MNAT1: variants seen among roughly 807,000 people sequenced by gnomAD.
The protein encoded by MNAT1 is MNAT1 component of CDK activating kinase, also known as CDK-activating kinase assembly factor MAT1.
MNAT1 carries 43 observed loss-of-function variants against 42.0 expected under a neutral mutation model. The ratio of observed to expected loss-of-function variants is 1.02; its 90% CI spans 0.80 to 1.32. MNAT1 has a LOEUF of 1.32. MNAT1 is among the 40% of genes most tolerant of loss of function. The pLI, the probability that MNAT1 is intolerant of heterozygous loss-of-function variation, is 0.00. For missense variants in MNAT1, 306 were observed against 350.4 expected, an observed-to-expected ratio of 0.87 and a Z score of 1.01; for synonymous variants, 118 against 120.0, an observed-to-expected ratio of 0.98 and a Z score of 0.11.
At chr14:60,781,136 A>C (rs1190840579) in intron 1 of MNAT1, among the ~76,000 whole-genome samples, 1 of 152,144 alleles carries the variant, frequency 6.6e-6, no homozygotes, top group Non-Finnish European at 1.5e-5. Context: ...TTTGACTTTA[A>C]TTTATGTAAC....
At chr14:60,884,783 C>T (rs1594832027) in intron 7 of MNAT1, among the ~76,000 whole-genome samples, 1 of 151,926 alleles carries the variant, frequency 6.6e-6, no homozygotes, top group African/African-American at 2.4e-5. Flanking sequence ...CTTACCATTA[C>T]CAGTGAATTT....
intron 6 of MNAT1, among the ~76,000 whole-genome samples, chr14:60,860,354 C>CTT (rs11409940): frequency 0.025 from 3,271 of 128,606 alleles, 128 homozygotes; most frequent in East Asian, 0.097. Context: ...TTTTTCTTTT[C>CTT]TTTTTTTTTT....
intron 1 of MNAT1, among the ~76,000 whole-genome samples, chr14:60,745,829 C>G (rs1896597159): frequency 6.6e-6 from 1 of 152,120 alleles, no homozygotes; most frequent in Admixed American, 6.6e-5. Context: ...TACCTCAGCT[C>G]CTTCCCTAAT....
intron 7 of MNAT1, among the ~76,000 whole-genome samples, chr14:60,959,241 C>T (rs1432676876): frequency 5.3e-5 from 8 of 152,126 alleles, no homozygotes; most frequent in South Asian, 2.1e-4. Context: ...CAGTGAACAC[C>T]GTGGTATCCT....
chr14:60,861,962 T>C (rs4151276), intron 6 of MNAT1, among the ~76,000 whole-genome samples: 16 of 152,138 alleles, frequency 1.1e-4, no homozygotes, highest in African/African-American at 3.1e-4. Context: ...CAGTTCAAAG[T>C]TGTTAGAATG....
intron 7 of MNAT1, among the ~76,000 whole-genome samples, chr14:60,921,647 A>G (rs143703039): frequency 6.5e-4 from 99 of 152,320 alleles, no homozygotes; most frequent in Non-Finnish European, 1.5e-4. Context: ...TACAAAATAA[A>G]AATATATTTA....
intron 7 of MNAT1, among the ~76,000 whole-genome samples, chr14:60,910,015 AGTT>A (rs1180131983): frequency 1.3e-5 from 2 of 152,114 alleles, no homozygotes; most frequent in Non-Finnish European, 2.9e-5. Flanking sequence ...AGTGGTTTGT[AGTT>A]CTCCTTGAAG....
chr14:60,775,479 G>C (rs1277491123), intron 1 of MNAT1, among the ~76,000 whole-genome samples: 1 of 152,172 alleles, frequency 6.6e-6, no homozygotes, highest in South Asian at 2.1e-4. Context: ...AAGGAATGTA[G>C]AGTCAATTTA....
At chr14:60,892,761 A>G (rs1247156388) in intron 7 of MNAT1, among the ~76,000 whole-genome samples, 1 of 151,890 alleles carries the variant, frequency 6.6e-6, no homozygotes, top group African/African-American at 2.4e-5. Flanking sequence ...TTCTTGAGCT[A>G]TTCTTTTGTC....
chr14:60,808,449 T>A, intron 4 of MNAT1, 21 bp downstream of exon 4: 1 of 1,387,254 alleles, frequency 7.2e-7, no homozygotes, highest in Non-Finnish European at 9.9e-7. Flanking sequence ...AAGTATTTTC[T>A]TCTTATTTTG....
chr14:60,814,392 C>T (rs141803062), intron 5 of MNAT1, among the ~76,000 whole-genome samples: 60 of 152,014 alleles, frequency 3.9e-4, no homozygotes, highest in Admixed American at 3.3e-4. Flanking sequence ...CTTCACAAAC[C>T]GGAAAATCTT....
In MNAT1 at chr14:60,969,059, C is replaced by T. The variant is rs1411177775; in HGVS notation, c.*710C>T. 1 of 152,514 alleles carries T rather than the reference C, an allele frequency of 6.6e-6. No homozygotes were observed. Among genetic ancestry groups the T allele is most frequent in the African/African-American group, 2.4e-5 (1 of 41,460 alleles). The allele number at this position is 152,514 out of a possible 1,614,324, so 9.4% of individuals were successfully genotyped here. ...TCAAAGAAGTTAATAAAATTTAATA[C>T]TTAAATGATACCTTTCACCTCCAAT... On this transcript the variant is annotated 3_prime_UTR_variant, in exon 8 of 8. Transcript: ENST00000261245.
chr14:60,739,282 T>G (rs115647931), intron 1 of MNAT1, among the ~76,000 whole-genome samples: 1 of 152,138 alleles, frequency 6.6e-6, no homozygotes, highest in South Asian at 2.1e-4. Flanking sequence ...CTCTGGTGTT[T>G]TGTAGTGTTA....
At position 60,969,735 on chromosome 14, in the gene MNAT1, A is replaced by C. The variant is rs2036748318; in HGVS notation, c.*1386A>C. 1 of 152,212 alleles carries C rather than the reference A, an allele frequency of 6.6e-6. No homozygotes were observed. Among genetic ancestry groups the C allele is most frequent in the Admixed American group, 6.5e-5 (1 of 15,288 alleles). The allele number at this position is 152,212 out of a possible 1,614,324, so 9.4% of individuals were successfully genotyped here. A position where few individuals can be genotyped will look rare whatever the true frequency, so the allele number is the denominator to read the frequency against. The stretch of plus-strand genomic sequence containing the variant: ...GTTCAAAGAATAGTTAGAACATTGA[A>C]TGTAGAGTTAAGGCTTTGCAGCAGC... On this transcript the variant is annotated 3_prime_UTR_variant, in exon 8 of 8. Coordinates refer to ENST00000261245, the MANE Select transcript of MNAT1 (RefSeq NM_002431.4).
chr14:60,844,005 C>T (rs185767928), intron 6 of MNAT1, among the ~76,000 whole-genome samples: 45 of 152,124 alleles, frequency 3.0e-4, no homozygotes, highest in African/African-American at 1.1e-3. Flanking sequence ...TGCATGTGAA[C>T]ATTTAGTTGT....
At chr14:60,949,428 G>A (rs565811781) in intron 7 of MNAT1, among the ~76,000 whole-genome samples, 1 of 152,052 alleles carries the variant, frequency 6.6e-6, no homozygotes, top group Non-Finnish European at 1.5e-5. Flanking sequence ...TAACGATAAA[G>A]CATTTTTGTA....
chr14:60,969,268 A>G lies in MNAT1; in HGVS notation c.*919A>G, dbSNP rs2036738344. On this transcript the variant is annotated 3_prime_UTR_variant, in exon 8 of 8. Transcript: ENST00000261245. Reference sequence around the variant, plus strand: ...TGATATTGCAGCATCTCAACCTTGTATGAGTCTGTTACATAGAGCATTGGA... The same window carrying G: ...TGATATTGCAGCATCTCAACCTTGTGTGAGTCTGTTACATAGAGCATTGGA... The G allele has an allele frequency of 6.6e-6, 1 of 152,194 alleles. No individual in the cohort carries two copies. The highest frequency in any genetic ancestry group is 2.1e-4 in the South Asian group (1 of 4,832). The allele number at this position is 152,194 out of a possible 1,614,324, so 9.4% of individuals were successfully genotyped here.
intron 1 of MNAT1, among the ~76,000 whole-genome samples, chr14:60,765,803 TTTTA>T (rs2030791567): frequency 6.6e-6 from 1 of 152,210 alleles, no homozygotes; most frequent in African/African-American, 2.4e-5. Context: ...AATTTTGAGC[TTTTA>T]TTTGTCATAT....
intron 7 of MNAT1, among the ~76,000 whole-genome samples, chr14:60,924,853 A>G (rs1898199270): frequency 6.6e-6 from 1 of 152,224 alleles, no homozygotes; most frequent in African/African-American, 2.4e-5. Context: ...TATTTCTAGA[A>G]CGCATATTTA....
Sources: gnomAD v4.1 joint callset for allele counts (sites outside exome capture counted in the v4.1 genomes callset) on GRCh38, gnomAD v4.1.1 for gene constraint, MANE v1.5 for transcripts, NCBI Gene and HGNC (gene_info 2026-07-23, HGNC 2026-07-21) for gene names.